ERGIC1: variants seen among roughly 807,000 people sequenced by gnomAD.
ERGIC1 encodes endoplasmic reticulum-golgi intermediate compartment 1.
ERGIC1 carries 19 observed loss-of-function variants against 38.3 expected under a neutral mutation model. The observed-to-expected ratio is 0.50, with a 90% CI of 0.35 to 0.73. The LOEUF is 0.73. Among genes scored for constraint, ERGIC1 ranks in the 30% least tolerant of loss-of-function variants. ERGIC1 has a pLI of 0.01. For synonymous variants in ERGIC1, 124 were observed against 157.6 expected (o/e 0.79, Z 1.60); for missense variants, 294 against 389.2 (o/e 0.76, Z 2.06).
chr5:172,882,385 G>T (rs186542691), intron 1 of ERGIC1, among the ~76,000 whole-genome samples: 93 of 152,296 alleles, frequency 6.1e-4, no homozygotes, highest in African/African-American at 2.1e-3. Flanking sequence ...ACTCTCATCT[G>T]CTCTGGGGCA....
intron 1 of ERGIC1, among the ~76,000 whole-genome samples, chr5:172,865,275 C>T (rs1295552080): frequency 2.0e-5 from 3 of 152,000 alleles, no homozygotes; most frequent in African/African-American, 4.8e-5. Flanking sequence ...AGGCTGGTCT[C>T]GAACTCTTGA....
At chr5:172,940,328 C>T (rs61475573) in intron 9 of ERGIC1, among the ~76,000 whole-genome samples, 10,580 of 152,172 alleles carry the variant, frequency 0.07, 607 homozygotes, top group African/African-American at 0.15. Flanking sequence ...TTGCTCAGAG[C>T]GATGCTCTGT....
chr5:172,885,625 C>T lies in ERGIC1; in HGVS notation c.21-3074C>T, dbSNP rs1166697765. On this transcript the variant is annotated intron_variant, in intron 1 of 9. Transcript: ENST00000393784. ...TTTCATACTCAGAGAAGCTGAGGCCCAGCAAGGGCCAGGGATTTTCTGAAG... is the reference window on the plus strand; with the variant it reads ...TTTCATACTCAGAGAAGCTGAGGCCTAGCAAGGGCCAGGGATTTTCTGAAG... 2.6e-5 allele frequency among the ~76,000 whole-genome samples: 4 copies of T among 152,296 alleles called. No individual in the cohort carries two copies. In the East Asian group the frequency reaches 7.7e-4, roughly 29 times the overall value.
At chr5:172,893,955 T>TATATA (rs1762650737) in intron 2 of ERGIC1, among the ~76,000 whole-genome samples, 1 of 64,050 alleles carries the variant, frequency 1.6e-5, no homozygotes, top group Non-Finnish European at 3.4e-5. Flanking sequence ...ATATATATAT[T>TATATA]TAAATGTCCA....
At chr5:172,901,476 T>C (rs1561725941) in intron 3 of ERGIC1, among the ~76,000 whole-genome samples, 2 of 152,310 alleles carry the variant, frequency 1.3e-5, no homozygotes, top group South Asian at 4.1e-4. Context: ...TAATAAAATA[T>C]AGTAACTGGA....
chr5:172,920,347 C>T (rs1306834677), intron 5 of ERGIC1: 1 of 717,880 alleles, frequency 1.4e-6, no homozygotes, highest in Non-Finnish European at 2.6e-6. Context: ...CCCATGGCCT[C>T]CTTATCCGAC....
At chr5:172,849,560 G>A (rs1761353267) in intron 1 of ERGIC1, among the ~76,000 whole-genome samples, 1 of 152,190 alleles carries the variant, frequency 6.6e-6, no homozygotes, top group South Asian at 2.1e-4. Context: ...AGGGATCATT[G>A]TTTTCTCTGC....
At chr5:172,943,724 C>A (rs1764059926) in intron 9 of ERGIC1, among the ~76,000 whole-genome samples, 1 of 152,170 alleles carries the variant, frequency 6.6e-6, no homozygotes, top group Non-Finnish European at 1.5e-5. Flanking sequence ...AGTGTTTACT[C>A]CAAAGCCCAC....
chr5:172,837,569 G>T lies in ERGIC1; in HGVS notation c.20+3136G>T, dbSNP rs1761066291. 6.6e-6 allele frequency among the ~76,000 whole-genome samples: 1 copy of T among 152,150 alleles called. No individual in the cohort carries two copies. Among genetic ancestry groups the T allele is most frequent in the Admixed American group, 6.5e-5 (1 of 15,286 alleles). On this transcript the variant is annotated intron_variant, in intron 1 of 9. Transcript: ENST00000393784. The surrounding 1 kb of genome is among the most constrained non-coding windows in gnomAD (Gnocchi z 4.3). Reference sequence around the variant, plus strand: ...AACTCGATCCTTGGAGATGCCTCTTGAAATCTGTCAAGGAAGCCATAGACA... The same window carrying T: ...AACTCGATCCTTGGAGATGCCTCTTTAAATCTGTCAAGGAAGCCATAGACA...
chr5:172,848,896 G>C (rs559992436), intron 1 of ERGIC1, among the ~76,000 whole-genome samples: 1 of 152,328 alleles, frequency 6.6e-6, no homozygotes, highest in South Asian at 2.1e-4. Context: ...GAATTGGGAA[G>C]TCAGACATTA....
intron 1 of ERGIC1, among the ~76,000 whole-genome samples, chr5:172,888,344 C>T (rs1762472143): frequency 1.3e-5 from 2 of 152,094 alleles, no homozygotes; most frequent in South Asian, 4.1e-4. Context: ...CCCGTAGTCC[C>T]AGCTACTTGG....
intron 1 of ERGIC1, among the ~76,000 whole-genome samples, chr5:172,866,318 G>A (rs1271905412): frequency 6.6e-6 from 1 of 152,158 alleles, no homozygotes; most frequent in East Asian, 1.9e-4. Flanking sequence ...CCATGATCTG[G>A]TGGGGGCCCC....
intron 5 of ERGIC1, chr5:172,915,211 T>TC (rs1763330240): frequency 1.7e-6 from 1 of 604,220 alleles, no homozygotes; most frequent in African/African-American, 1.8e-5. Context: ...GATAATAGTA[T>TC]CACGATACCA....
In ERGIC1 at chr5:172,932,512, C is replaced by T; in HGVS notation, c.618C>T (p.Ser206=). ...YEDKSGKQRY[S]YQYTVANKEY... is the part of the protein sequence containing the mutation. ...ACAAGAGTGGCAAGCAGCGGTACTC[C>T]TACCAGTACACGGTGGCCAACAAGG... The change falls in exon 8 of 10, where the codon TCC becomes TCT. Residue 206 remains serine (S), a synonymous_variant. Transcript: ENST00000393784. 1 of 1,614,140 alleles carries T rather than the reference C, an allele frequency of 6.2e-7. No individual in the cohort carries two copies.
Position 172,887,138 on chromosome 5 carries a change from A to T in ERGIC1, c.21-1561A>T, listed in dbSNP as rs192802124. On this transcript the variant is annotated intron_variant, in intron 1 of 9. Coordinates refer to ENST00000393784, the MANE Select transcript of ERGIC1 (RefSeq NM_001031711.3). ...CACACTGATTCAAGCATCGGCCCTTACGCAAGGTTTCCAAGGCATTGCGTC... is the reference window on the plus strand; with the variant it reads ...CACACTGATTCAAGCATCGGCCCTTTCGCAAGGTTTCCAAGGCATTGCGTC... Among the ~76,000 whole-genome samples the T allele has an allele frequency of 8.9e-4, 136 of 152,284 alleles. 2 individuals carry two copies. The highest frequency in any genetic ancestry group is 8.3e-3 in the Admixed American group (127 of 15,290).
At chr5:172,874,921 TAA>T (rs541037638) in intron 1 of ERGIC1, among the ~76,000 whole-genome samples, 123 of 101,234 alleles carry the variant, frequency 1.2e-3, no homozygotes, top group African/African-American at 3.4e-3. Flanking sequence ...AGACCCTGTC[TAA>T]AAAAAAAAAA....
chr5:172,859,260 G>A (rs543294632), intron 1 of ERGIC1, among the ~76,000 whole-genome samples: 39 of 152,140 alleles, frequency 2.6e-4, no homozygotes, highest in African/African-American at 6.3e-4. Context: ...ACCAGGCCCC[G>A]GCCTGGCCAG....
At chr5:172,905,164 G>C (rs1339690213) in intron 3 of ERGIC1, 1 of 233,732 alleles carries the variant, frequency 4.3e-6, no homozygotes, top group Non-Finnish European at 9.3e-6. Context: ...AGTGCTGTGC[G>C]GAGGCCCAGC....
intron 1 of ERGIC1, among the ~76,000 whole-genome samples, chr5:172,855,761 T>C (rs1262726717): frequency 2.0e-5 from 3 of 152,126 alleles, no homozygotes; most frequent in African/African-American, 4.8e-5. Context: ...TCGGGCACGG[T>C]GAGGAGTGTG....
Sources: allele counts gnomAD v4.1 joint callset (sites outside exome capture counted in the v4.1 genomes callset), GRCh38; gene constraint gnomAD v4.1.1; non-coding constraint Gnocchi (gnomAD v3.1); transcripts MANE v1.5; gene names NCBI Gene and HGNC (gene_info 2026-07-23, HGNC 2026-07-21).